GNAQ: variants seen among roughly 807,000 people sequenced by gnomAD.
The protein encoded by GNAQ is guanine nucleotide-binding protein G(q) subunit alpha.
A neutral mutation model predicts 43.9 loss-of-function variants in GNAQ; 8 were observed. The observed-to-expected ratio is 0.18, with a 90% CI of 0.11 to 0.33. GNAQ has a LOEUF of 0.33. GNAQ is among the 10% of genes least tolerant of loss of function. The pLI is 1.00. For missense variants in GNAQ, 158 were observed against 450.8 expected, an observed-to-expected ratio of 0.35 and a Z score of 5.88; for synonymous variants, 155 against 170.7, an observed-to-expected ratio of 0.91 and a Z score of 0.71.
chr9:77,888,638 G>C (rs1242402942), intron 2 of GNAQ, among the ~76,000 whole-genome samples: 1 of 152,174 alleles, frequency 6.6e-6, no homozygotes, highest in Non-Finnish European at 1.5e-5. Flanking sequence ...CTTAAAAAAA[G>C]TACTCTGAAT....
chr9:77,760,832 A>G (rs1825991268), intron 5 of GNAQ, among the ~76,000 whole-genome samples: 1 of 149,394 alleles, frequency 6.7e-6, no homozygotes, highest in Non-Finnish European at 1.5e-5. Context: ...CCATCGTCTG[A>G]GATGTGGGGA....
chr9:77,878,563 C>T (rs1828162478), intron 2 of GNAQ, among the ~76,000 whole-genome samples: 1 of 151,550 alleles, frequency 6.6e-6, no homozygotes, highest in African/African-American at 2.4e-5. Context: ...TATGTTGGTG[C>T]ACTTTCAACC....
intron 2 of GNAQ, among the ~76,000 whole-genome samples, chr9:77,895,965 CTCTT>C (rs1828497428): frequency 1.3e-5 from 2 of 152,164 alleles, no homozygotes; most frequent in Admixed American, 1.3e-4. Flanking sequence ...CCAATAAAAG[CTCTT>C]TCTTTTGTAA....
At chr9:77,988,420 G>T (rs1005086387) in intron 1 of GNAQ, among the ~76,000 whole-genome samples, 2 of 152,224 alleles carry the variant, frequency 1.3e-5, no homozygotes, top group African/African-American at 4.8e-5. Context: ...GGATCATGTT[G>T]ATTAATCTGC....
chr9:77,884,284 A>G (rs1828265349), intron 2 of GNAQ, among the ~76,000 whole-genome samples: 1 of 152,148 alleles, frequency 6.6e-6, no homozygotes, highest in Non-Finnish European at 1.5e-5. Context: ...TTCTAATCCA[A>G]TCTGCCTGCT....
chr9:77,933,420 C>A (rs146118489), intron 1 of GNAQ, among the ~76,000 whole-genome samples: 1 of 152,130 alleles, frequency 6.6e-6, no homozygotes. Flanking sequence ...AATCCCAGCA[C>A]TTTGGGAGGT....
intron 2 of GNAQ, among the ~76,000 whole-genome samples, chr9:77,819,392 G>A (rs1827075587): frequency 6.6e-6 from 1 of 152,144 alleles, no homozygotes; most frequent in African/African-American, 2.4e-5. Flanking sequence ...TACCAAAGTG[G>A]GTCTTACCCA....
At chr9:77,782,363 A>T (rs950151273) in intron 5 of GNAQ, among the ~76,000 whole-genome samples, 2 of 152,222 alleles carry the variant, frequency 1.3e-5, no homozygotes, top group Non-Finnish European at 2.9e-5. Context: ...TCACTAAAGT[A>T]GATACATAGA....
At chr9:78,000,042 G>T (rs945278879) in intron 1 of GNAQ, among the ~76,000 whole-genome samples, 5 of 152,078 alleles carry the variant, frequency 3.3e-5, no homozygotes, top group African/African-American at 1.2e-4. Flanking sequence ...CATTAAAAGA[G>T]AAATTTACTT....
chr9:77,728,489 A>G, intron 6 of GNAQ, 25 bp downstream of exon 6: 2 of 1,558,982 alleles, frequency 1.3e-6, no homozygotes, highest in Non-Finnish European at 8.8e-7. Flanking sequence ...ACAGCTACTG[A>G]GCTGTGGTAT....
intron 1 of GNAQ, among the ~76,000 whole-genome samples, chr9:78,003,586 G>A (rs1159131743): frequency 2.0e-5 from 3 of 152,008 alleles, no homozygotes; most frequent in African/African-American, 4.8e-5. Context: ...AGGCCGAGGC[G>A]GGCAGATCAT....
chr9:77,992,038 T>G (rs1823514344), intron 1 of GNAQ, among the ~76,000 whole-genome samples: 1 of 152,236 alleles, frequency 6.6e-6, no homozygotes, highest in Non-Finnish European at 1.5e-5. Flanking sequence ...TGCATGTACA[T>G]GCATCTTTTT....
At chr9:77,840,620 A>C (rs1373644121) in intron 2 of GNAQ, among the ~76,000 whole-genome samples, 2 of 152,224 alleles carry the variant, frequency 1.3e-5, no homozygotes, top group African/African-American at 4.8e-5. Flanking sequence ...TACAGGAGTG[A>C]GCCACTGCAC....
intron 2 of GNAQ, among the ~76,000 whole-genome samples, chr9:77,821,377 T>A (rs1006682377): frequency 6.6e-6 from 1 of 151,486 alleles, no homozygotes; most frequent in Non-Finnish European, 1.5e-5. Flanking sequence ...TTAAAATATA[T>A]TTTTTTTTCT....
intron 6 of GNAQ, among the ~76,000 whole-genome samples, chr9:77,723,588 A>G (rs1157579808): frequency 1.3e-5 from 2 of 152,260 alleles, no homozygotes; most frequent in African/African-American, 4.8e-5. Context: ...ATCAGAAACA[A>G]AAAGAATATT....
intron 2 of GNAQ, among the ~76,000 whole-genome samples, chr9:77,844,703 G>A (rs1024931771): frequency 1.3e-5 from 2 of 151,608 alleles, no homozygotes; most frequent in African/African-American, 2.4e-5. Flanking sequence ...ATGGAGTTTC[G>A]CTCTTGTCAC....
chr9:77,970,522 T>G (rs1823225028), intron 1 of GNAQ, among the ~76,000 whole-genome samples: 1 of 152,146 alleles, frequency 6.6e-6, no homozygotes, highest in Non-Finnish European at 1.5e-5. Context: ...TATTCATCCT[T>G]AAAACATTAA....
At chr9:77,736,293 A>G (rs1477194936) in intron 5 of GNAQ, among the ~76,000 whole-genome samples, 3 of 152,234 alleles carry the variant, frequency 2.0e-5, no homozygotes, top group African/African-American at 7.2e-5. Flanking sequence ...CCAAGAAAAC[A>G]ACAGATACAA....
At chr9:77,969,686 C>A (rs1823212249) in intron 1 of GNAQ, among the ~76,000 whole-genome samples, 1 of 152,202 alleles carries the variant, frequency 6.6e-6, no homozygotes. Context: ...TACTTTCTAG[C>A]CACATCAACA....
Sources: allele counts gnomAD v4.1 joint callset (sites outside exome capture counted in the v4.1 genomes callset), GRCh38; gene constraint gnomAD v4.1.1; transcripts MANE v1.5; gene names NCBI Gene and HGNC (gene_info 2026-07-23, HGNC 2026-07-21).